Variants in DOCK10 observed in about 807,000 individuals in gnomAD.
DOCK10 encodes the protein dedicator of cytokinesis protein 10.
Under a neutral mutation model 280.1 loss-of-function variants are expected in DOCK10, and 145 were observed. The observed-to-expected ratio is 0.52, with a 90% CI of 0.45 to 0.59. The LOEUF (loss-of-function observed/expected upper bound fraction) is 0.59. Ranked by LOEUF, DOCK10 falls within the 20% of genes least tolerant of loss-of-function variation. DOCK10 has a pLI of 0.00. For missense variants in DOCK10, 2,368 were observed against 2,651.7 expected, an observed-to-expected ratio of 0.89 and a Z score of 2.35; for synonymous variants, 915 against 942.2, an observed-to-expected ratio of 0.97 and a Z score of 0.53.
chr2:224,942,249 G>A (rs1302242275), intron 1 of DOCK10, among the ~76,000 whole-genome samples: 2 of 152,228 alleles, frequency 1.3e-5, no homozygotes, highest in African/African-American at 2.4e-5. Context: ...TGAGCTAACT[G>A]TTCAGTGTTG....
chr2:224,871,817 G>C (rs1574970585), intron 11 of DOCK10, among the ~76,000 whole-genome samples: 2 of 152,224 alleles, frequency 1.3e-5, no homozygotes, highest in East Asian at 3.9e-4. Flanking sequence ...ACCCTTTCCT[G>C]AATTCCTCTG....
At chr2:224,851,475 A>G (rs560418613) in intron 18 of DOCK10, among the ~76,000 whole-genome samples, 1 of 139,688 alleles carries the variant, frequency 7.2e-6, no homozygotes, top group South Asian at 2.3e-4. Flanking sequence ...AAAAAAAAAG[A>G]CTCTTTTTTA....
intron 27 of DOCK10, among the ~76,000 whole-genome samples, chr2:224,830,244 C>T (rs771173821): frequency 2.0e-5 from 3 of 152,188 alleles, no homozygotes; most frequent in Non-Finnish European, 4.4e-5. Context: ...TCCTTCCTTC[C>T]CCCTTTTCAT....
At chr2:225,039,474 G>A (rs972432565) in intron 1 of DOCK10, among the ~76,000 whole-genome samples, 4 of 152,170 alleles carry the variant, frequency 2.6e-5, no homozygotes, top group Non-Finnish European at 5.9e-5. Context: ...GAGGGGTGAA[G>A]AATAAGGTGG....
At chr2:224,837,885 C>T in intron 24 of DOCK10, 54 bp from the exon 25 acceptor site, 1 of 1,386,022 alleles carries the variant, frequency 7.2e-7, no homozygotes. Flanking sequence ...AAAAACCCCG[C>T]TTTAGTTTGT....
intron 27 of DOCK10, among the ~76,000 whole-genome samples, chr2:224,827,491 G>A (rs936277006): frequency 1.1e-4 from 17 of 152,086 alleles, no homozygotes; most frequent in Non-Finnish European, 2.4e-4. Flanking sequence ...GCTCACAGGT[G>A]TGTTTTGTGA....
intron 1 of DOCK10, among the ~76,000 whole-genome samples, chr2:225,001,979 G>T (rs1323590988): frequency 2.0e-5 from 3 of 152,206 alleles, no homozygotes; most frequent in Non-Finnish European, 4.4e-5. Flanking sequence ...TGTGAATCTG[G>T]GGGGAGATGG....
intron 25 of DOCK10, among the ~76,000 whole-genome samples, chr2:224,835,283 GCA>G (rs1388966812): frequency 6.6e-6 from 1 of 152,230 alleles, no homozygotes; most frequent in Admixed American, 6.5e-5. Flanking sequence ...CTCATGCCAT[GCA>G]CAGTTATTTA....
At chr2:225,015,084 G>A (rs1215520281) in intron 1 of DOCK10, among the ~76,000 whole-genome samples, 1 of 152,150 alleles carries the variant, frequency 6.6e-6, no homozygotes, top group Non-Finnish European at 1.5e-5. Context: ...AGGAGGATGG[G>A]GGTGCAGTTT....
At chr2:224,815,223 G>C (rs1248943724) in intron 30 of DOCK10, among the ~76,000 whole-genome samples, 1 of 152,088 alleles carries the variant, frequency 6.6e-6, no homozygotes, top group Admixed American at 6.6e-5. Flanking sequence ...ATGTGAAGAA[G>C]GTCCTTACTT....
chr2:225,010,403 G>A (rs1404422269), intron 1 of DOCK10: 5 of 152,084 alleles, frequency 3.3e-5, no homozygotes, highest in Non-Finnish European at 7.3e-5. Context: ...CAGGCCAGGG[G>A]ACAGAATCTT....
At chr2:224,914,030 C>T (rs1281680477) in intron 3 of DOCK10, among the ~76,000 whole-genome samples, 1 of 152,190 alleles carries the variant, frequency 6.6e-6, no homozygotes, top group Non-Finnish European at 1.5e-5. Flanking sequence ...AGCCACCTCA[C>T]CCGGCCTATA....
chr2:224,948,729 A>C (rs866488192), intron 1 of DOCK10, among the ~76,000 whole-genome samples: 1 of 152,224 alleles, frequency 6.6e-6, no homozygotes, highest in South Asian at 2.1e-4. Flanking sequence ...GAAAATGTGC[A>C]TGCATGGTCA....
At chr2:224,999,515 CCT>C (rs1195566771) in intron 1 of DOCK10, among the ~76,000 whole-genome samples, 1 of 151,590 alleles carries the variant, frequency 6.6e-6, no homozygotes, top group Non-Finnish European at 1.5e-5. Context: ...CCCTCTCTCC[CCT>C]CTTTCCTTAT....
intron 2 of DOCK10, among the ~76,000 whole-genome samples, chr2:224,920,183 C>T (rs13419035): frequency 0.23 from 34,940 of 151,510 alleles, 4,510 homozygotes; most frequent in Non-Finnish European, 0.28. Flanking sequence ...AGTGATCAGC[C>T]TCCCCAGTAG....
chr2:224,967,871 A>G (rs1704868284), intron 1 of DOCK10, among the ~76,000 whole-genome samples: 1 of 152,166 alleles, frequency 6.6e-6, no homozygotes, highest in Admixed American at 6.5e-5. Context: ...GGTATGCAGT[A>G]TTTATATTTT....
At position 224,770,253 on chromosome 2, in the gene DOCK10, G is replaced by A. The variant is rs780016487; in HGVS notation, c.6402C>T (p.Tyr2134=). The A allele has an allele frequency of 6.9e-6, 11 of 1,604,242 alleles. No individual in the cohort carries two copies. The South Asian group carries it at 1.2e-4, about 18-fold the overall frequency. The change falls in exon 55 of 56, where the codon TAC becomes TAT. Residue 2134 remains tyrosine, a synonymous_variant. Coordinates refer to ENST00000258390, the MANE Select transcript of DOCK10 (RefSeq NM_014689.3). The surrounding 1 kb of genome is among the most constrained non-coding windows in gnomAD (Gnocchi z 4.5). ...TGGAGAGTTCGCTGAGCATGTCCTT[G>A]TAGTGGGACCTCAGTTCTTCCTGGT... is the stretch of plus-strand genomic sequence containing the variant. ...LEYQEELRSH[Y]KDMLSELSTV...
At chr2:224,774,462 G>A (rs1690682196) in intron 52 of DOCK10, among the ~76,000 whole-genome samples, 1 of 152,232 alleles carries the variant, frequency 6.6e-6, no homozygotes, top group African/African-American at 2.4e-5. Flanking sequence ...CATAGATCTA[G>A]AGAGCACATC....
chr2:224,892,773 A>C (rs1202939127), intron 4 of DOCK10, among the ~76,000 whole-genome samples: 1 of 152,222 alleles, frequency 6.6e-6, no homozygotes, highest in Non-Finnish European at 1.5e-5. Flanking sequence ...TGCTTGGATC[A>C]TTGCTGAGGC....
Sources: allele counts gnomAD v4.1 joint callset (sites outside exome capture counted in the v4.1 genomes callset), GRCh38; gene constraint gnomAD v4.1.1; non-coding constraint Gnocchi (gnomAD v3.1); transcripts MANE v1.5; gene names NCBI Gene and HGNC (gene_info 2026-07-23, HGNC 2026-07-21).